Variants in CACNA1D observed in about 807,000 individuals in gnomAD.
CACNA1D encodes calcium voltage-gated channel subunit alpha1 D.
In CACNA1D, 55 loss-of-function variants were observed where a neutral mutation model predicts 257.1. The observed-to-expected ratio is 0.21, with a 90% CI of 0.17 to 0.27. CACNA1D has a LOEUF of 0.27. Among genes scored for constraint, CACNA1D ranks in the 10% least tolerant of loss-of-function variants. The pLI is 1.00. For synonymous variants in CACNA1D, 980 were observed against 1,014.9 expected (o/e 0.97, Z 0.65); for missense variants, 1,876 against 2,784.0 (o/e 0.67, Z 7.34).
chr3:53,701,085 A>G (rs2094620871), intron 8 of CACNA1D, among the ~76,000 whole-genome samples: 1 of 151,746 alleles, frequency 6.6e-6, no homozygotes, highest in South Asian at 2.1e-4. Context: ...GCCCCTCGAC[A>G]GCCTAGAGTT....
At chr3:53,632,310 G>C (rs1185695417) in intron 3 of CACNA1D, among the ~76,000 whole-genome samples, 1 of 152,232 alleles carries the variant, frequency 6.6e-6, no homozygotes, top group East Asian at 1.9e-4. Flanking sequence ...AGCCCTGCTA[G>C]CTTCCAACTT....
intron 8 of CACNA1D, among the ~76,000 whole-genome samples, chr3:53,701,047 T>C (rs894459653): frequency 2.0e-5 from 3 of 152,028 alleles, no homozygotes; most frequent in African/African-American, 7.3e-5. Flanking sequence ...GAAGTATTAG[T>C]GTCACTGGGT....
Position 53,800,242 on chromosome 3 carries a change from G to A in CACNA1D, c.4924-7G>A, listed in dbSNP as rs1429019105. 1 of 1,601,840 alleles carries A rather than the reference G, an allele frequency of 6.2e-7. No homozygotes were observed. Among genetic ancestry groups the A allele is most frequent in the Non-Finnish European group, 8.6e-7 (1 of 1,168,880 alleles). On this transcript the variant is annotated splice_region_variant and splice_polypyrimidine_tract_variant and intron_variant, in intron 40 of 47. Coordinates refer to ENST00000350061, the MANE Select transcript of CACNA1D (RefSeq NM_001128840.3). The surrounding 1 kb of genome is among the most constrained non-coding windows in gnomAD (Gnocchi z 4.3). ...TCTAACCTGTTCTGCCATTTTCATTGATCTAGGCGGGATTAAGGACACTGC... is the reference window on the plus strand; with the variant it reads ...TCTAACCTGTTCTGCCATTTTCATTAATCTAGGCGGGATTAAGGACACTGC...
intron 3 of CACNA1D, among the ~76,000 whole-genome samples, chr3:53,607,977 A>G (rs1233886576): frequency 6.6e-6 from 1 of 152,178 alleles, no homozygotes; most frequent in African/African-American, 2.4e-5. Flanking sequence ...CCAGTTTTAC[A>G]TTAGGTTCTT....
intron 30 of CACNA1D, 114 bp from the exon 31 acceptor site, chr3:53,769,859 G>A (rs1372645575): frequency 1.2e-6 from 1 of 839,638 alleles, no homozygotes; most frequent in Non-Finnish European, 2.1e-6. Context: ...GGAGGGAGCA[G>A]GTGTGGTGTC....
chr3:53,794,392 T>G (rs2095498544), intron 40 of CACNA1D, among the ~76,000 whole-genome samples: 1 of 152,156 alleles, frequency 6.6e-6, no homozygotes, highest in Admixed American at 6.5e-5. Context: ...GTTTGAGATC[T>G]TGGAAGGGCA....
At chr3:53,496,927 C>T (rs1271010154) in intron 1 of CACNA1D, among the ~76,000 whole-genome samples, 4 of 152,254 alleles carry the variant, frequency 2.6e-5, no homozygotes, top group Admixed American at 6.5e-5. Flanking sequence ...TGTGATGCAG[C>T]GGTGATCCTG....
rs34352856 is a variant in CACNA1D at position 53,521,962 on chromosome 3, C to CAAA, written c.483+20256_483+20258dup. On this transcript the variant is annotated intron_variant, in intron 3 of 47. Transcript: ENST00000350061. ...AAACATAGTGAGACCCCATCTCTAC[C>CAAA]AAAAAAAAAAAAAAAAGAAATTAGC... Among the ~76,000 whole-genome samples, 15 of 125,500 alleles carry CAAA rather than the reference C, an allele frequency of 1.2e-4. No individual in the cohort carries two copies. The East Asian group carries it at 1.4e-3, about 12-fold the overall frequency. 82.3% of individuals were successfully genotyped at this position (125,500 alleles called of 152,430 possible).
rs2095605890 is a variant in CACNA1D at position 53,812,683 on chromosome 3, G to C, written c.*1277G>C. 2 of 152,236 alleles carry C rather than the reference G, an allele frequency of 1.3e-5. No individual in the cohort carries two copies. Among genetic ancestry groups the C allele is most frequent in the African/African-American group, 4.8e-5 (2 of 41,460 alleles). 9.4% of individuals were successfully genotyped at this position (152,236 alleles called of 1,614,324 possible). ...CGGTTTTCTCTGTGGCCCACCCAGG[G>C]TGTTTTTTGCATCGCTGGTGCAGAA... On this transcript the variant is annotated 3_prime_UTR_variant, in exon 48 of 48. Coordinates refer to ENST00000350061, the MANE Select transcript of CACNA1D (RefSeq NM_001128840.3).
intron 3 of CACNA1D, among the ~76,000 whole-genome samples, chr3:53,543,445 T>G (rs181816158): frequency 7.5e-4 from 114 of 152,304 alleles, no homozygotes; most frequent in African/African-American, 2.4e-3. Flanking sequence ...CAGGGCCCTC[T>G]CTTTGGTAGG....
chr3:53,722,541 T>A, intron 12 of CACNA1D, 67 bp downstream of exon 12: 1 of 1,449,094 alleles, frequency 6.9e-7, no homozygotes. Flanking sequence ...AACTGCCATT[T>A]GGTCTTATCT....
chr3:53,724,625 G>C (rs530609697), intron 14 of CACNA1D, among the ~76,000 whole-genome samples: 2 of 152,320 alleles, frequency 1.3e-5, no homozygotes, highest in East Asian at 3.9e-4. Context: ...ATGCTCCCCT[G>C]ACTCTACGCT....
At chr3:53,725,738 G>T (rs1033724447) in intron 14 of CACNA1D, among the ~76,000 whole-genome samples, 1 of 152,176 alleles carries the variant, frequency 6.6e-6, no homozygotes, top group African/African-American at 2.4e-5. Flanking sequence ...TGCCTTTTCT[G>T]TGAATTACTT....
intron 14 of CACNA1D, among the ~76,000 whole-genome samples, chr3:53,726,331 T>C (rs1273853138): frequency 6.6e-6 from 1 of 151,978 alleles, no homozygotes. Context: ...TGGGCTGGGG[T>C]GTAATCAAAA....
intron 30 of CACNA1D, chr3:53,765,396 CTG>C (rs1230487537): frequency 5.2e-5 from 8 of 152,680 alleles, no homozygotes; most frequent in African/African-American, 1.9e-4. Flanking sequence ...TCCCCAAACT[CTG>C]TTGATCTTTC....
At chr3:53,808,239 C>T in intron 45 of CACNA1D, 1 of 246,996 alleles carries the variant, frequency 4.0e-6, no homozygotes, top group South Asian at 4.9e-5. Context: ...ACGGTGAAAC[C>T]CTGTCTCTAC....
intron 3 of CACNA1D, among the ~76,000 whole-genome samples, chr3:53,647,388 C>A (rs1203989179): frequency 6.6e-6 from 1 of 152,168 alleles, no homozygotes; most frequent in Non-Finnish European, 1.5e-5. Flanking sequence ...ACCAGGGACG[C>A]CTCATTTCAT....
intron 10 of CACNA1D, 182 bp downstream of exon 10, chr3:53,718,570 T>TGG: frequency 1.4e-6 from 1 of 717,966 alleles, no homozygotes; most frequent in Admixed American, 2.1e-5. Flanking sequence ...CCTGCACACC[T>TGG]CCCCACCCCC....
intron 3 of CACNA1D, among the ~76,000 whole-genome samples, chr3:53,617,178 T>C (rs1172673125): frequency 2.0e-5 from 3 of 152,192 alleles, no homozygotes; most frequent in Admixed American, 6.5e-5. Context: ...TCACTGTTGA[T>C]AGCAGAAGCA....
Sources: allele counts gnomAD v4.1 joint callset (sites outside exome capture counted in the v4.1 genomes callset), GRCh38; gene constraint gnomAD v4.1.1; non-coding constraint Gnocchi (gnomAD v3.1); transcripts MANE v1.5; gene names NCBI Gene and HGNC (gene_info 2026-07-23, HGNC 2026-07-21).